The following MACROD2 variants were observed in gnomAD, a reference collection of about 807,000 sequenced individuals.
The protein encoded by MACROD2 is ADP-ribose glycohydrolase MACROD2.
In MACROD2, 36 loss-of-function variants were observed where a neutral mutation model predicts 70.4. That is an observed-to-expected ratio of 0.51 (90% CI 0.39 to 0.68). The LOEUF (loss-of-function observed/expected upper bound fraction) is 0.68. Among genes scored for constraint, MACROD2 ranks in the 30% least tolerant of loss-of-function variants. The pLI is 0.00. For missense variants in MACROD2, 496 were observed against 538.4 expected, an observed-to-expected ratio of 0.92 and a Z score of 0.78; for synonymous variants, 172 against 178.8, an observed-to-expected ratio of 0.96 and a Z score of 0.30.
At position 15,678,464 on chromosome 20, in the gene MACROD2, A is replaced by G. The variant is rs553314908; in HGVS notation, c.645+178617A>G. ...AAGCTCTGCCTCCCGGGTTCACGCCATTCTCCTGCCTCAGCCTCCCGAGTA... is the reference window on the plus strand; with the variant it reads ...AAGCTCTGCCTCCCGGGTTCACGCCGTTCTCCTGCCTCAGCCTCCCGAGTA... On this transcript the variant is annotated intron_variant, in intron 8 of 17. Transcript: ENST00000684519. 2.0e-5 allele frequency among the ~76,000 whole-genome samples: 3 copies of G among 151,448 alleles called. No homozygotes were observed. In the East Asian group the frequency reaches 5.9e-4, roughly 30 times the overall value.
chr20:14,147,379 T>C (rs2054955811), intron 3 of MACROD2, among the ~76,000 whole-genome samples: 2 of 152,190 alleles, frequency 1.3e-5, no homozygotes, highest in Admixed American at 6.5e-5. Context: ...AGATTAATAA[T>C]AGTAACTCAT....
At chr20:15,860,532 A>G (rs6131733) in intron 8 of MACROD2, among the ~76,000 whole-genome samples, 8,406 of 152,068 alleles carry the variant, frequency 0.055, 427 homozygotes, top group East Asian at 0.24. Context: ...TGTCTGAGGG[A>G]GGATAATGAG....
intron 8 of MACROD2, among the ~76,000 whole-genome samples, chr20:15,811,888 C>G (rs77185509): frequency 6.6e-6 from 1 of 152,186 alleles, no homozygotes; most frequent in Non-Finnish European, 1.5e-5. Flanking sequence ...GAGCAAGAGT[C>G]TGGTGGCTAA....
At chr20:14,578,860 C>G (rs577725630) in intron 4 of MACROD2, among the ~76,000 whole-genome samples, 1 of 152,110 alleles carries the variant, frequency 6.6e-6, no homozygotes, top group Non-Finnish European at 1.5e-5. Context: ...CAGGGAGGAG[C>G]GTGTGACTCT....
At chr20:14,264,429 C>G (rs1426934132) in intron 3 of MACROD2, among the ~76,000 whole-genome samples, 2 of 152,046 alleles carry the variant, frequency 1.3e-5, no homozygotes, top group African/African-American at 4.8e-5. Flanking sequence ...AACTTGCATA[C>G]TAGGTAATTG....
chr20:15,248,310 C>T (rs1319188672), intron 6 of MACROD2, among the ~76,000 whole-genome samples: 2 of 152,198 alleles, frequency 1.3e-5, no homozygotes, highest in Admixed American at 1.3e-4. Flanking sequence ...GAGCTCACTG[C>T]AGTACTTGAC....
At position 14,927,628 on chromosome 20, in the gene MACROD2, A is replaced by T. The variant is rs529986747; in HGVS notation, c.418+242669A>T. Among the ~76,000 whole-genome samples, 12 of 152,278 alleles carry T rather than the reference A, an allele frequency of 7.9e-5. No homozygotes were observed. In the East Asian group the frequency reaches 1.7e-3, roughly 22 times the overall value. On this transcript the variant is annotated intron_variant, in intron 5 of 17. Transcript: ENST00000684519. ...TTCATTACAGGCTAGTTCCTGGGGA[A>T]CCTGGGAAATGTAGTTTTAGCTTTT...
At chr20:14,971,450 A>AT (rs2074690190) in intron 5 of MACROD2, among the ~76,000 whole-genome samples, 2 of 151,410 alleles carry the variant, frequency 1.3e-5, no homozygotes, top group Admixed American at 1.3e-4. Flanking sequence ...AGGTAAAGGG[A>AT]GGGGGGGGAC....
At chr20:15,789,772 A>G (rs1486515316) in intron 8 of MACROD2, among the ~76,000 whole-genome samples, 2 of 152,072 alleles carry the variant, frequency 1.3e-5, no homozygotes, top group African/African-American at 4.8e-5. Flanking sequence ...AATGGCATAA[A>G]GGAAATGAGA....
intron 5 of MACROD2, among the ~76,000 whole-genome samples, chr20:15,150,678 TG>T (rs994579949): frequency 6.6e-6 from 1 of 150,916 alleles, no homozygotes; most frequent in Non-Finnish European, 1.5e-5. Context: ...TGGGTTAAGG[TG>T]GGGGGATACA....
chr20:14,551,376 C>T (rs781540892), intron 4 of MACROD2, among the ~76,000 whole-genome samples: 6 of 152,114 alleles, frequency 3.9e-5, no homozygotes, highest in Non-Finnish European at 8.8e-5. Flanking sequence ...GCATTGCTTT[C>T]ACTGCAATAG....
At chr20:15,666,619 T>C (rs553483131) in intron 8 of MACROD2, among the ~76,000 whole-genome samples, 2 of 152,338 alleles carry the variant, frequency 1.3e-5, no homozygotes, top group South Asian at 4.1e-4. Context: ...GGTCAGCCTG[T>C]GTGGTCACTC....
At chr20:15,043,466 T>C (rs1317586906) in intron 5 of MACROD2, among the ~76,000 whole-genome samples, 1 of 152,170 alleles carries the variant, frequency 6.6e-6, no homozygotes, top group Non-Finnish European at 1.5e-5. Flanking sequence ...GTTTTTTGCA[T>C]GATGCCTCCA....
intron 8 of MACROD2, among the ~76,000 whole-genome samples, chr20:15,773,545 C>T (rs574259470): frequency 6.6e-6 from 1 of 152,178 alleles, no homozygotes; most frequent in East Asian, 1.9e-4. Context: ...CAGATCAATT[C>T]CCTGTTAACT....
At chr20:15,445,219 C>A (rs1029363591) in intron 7 of MACROD2, among the ~76,000 whole-genome samples, 2 of 152,146 alleles carry the variant, frequency 1.3e-5, no homozygotes, top group African/African-American at 4.8e-5. Flanking sequence ...TTTATGAAAT[C>A]CAGGTGTCTC....
intron 3 of MACROD2, among the ~76,000 whole-genome samples, chr20:14,342,973 C>G (rs1300750502): frequency 3.9e-5 from 6 of 151,940 alleles, no homozygotes; most frequent in African/African-American, 1.2e-4. Flanking sequence ...AATTAAAAAT[C>G]ACAACTGAGA....
At chr20:14,542,858 A>T (rs1030449552) in intron 4 of MACROD2, among the ~76,000 whole-genome samples, 1 of 152,236 alleles carries the variant, frequency 6.6e-6, no homozygotes, top group Non-Finnish European at 1.5e-5. Flanking sequence ...GCAATTAAAT[A>T]TGACAATTTT....
intron 3 of MACROD2, among the ~76,000 whole-genome samples, chr20:14,230,969 G>A (rs1055620490): frequency 2.0e-5 from 3 of 151,084 alleles, no homozygotes; most frequent in African/African-American, 7.3e-5. Context: ...TTGTCAATGA[G>A]CAGTAATATT....
At chr20:14,123,238 T>C (rs1391722544) in intron 3 of MACROD2, among the ~76,000 whole-genome samples, 2 of 152,224 alleles carry the variant, frequency 1.3e-5, no homozygotes, top group African/African-American at 4.8e-5. Flanking sequence ...AGTCATTTTA[T>C]CATTGATTAT....
Sources: allele counts gnomAD v4.1 joint callset (sites outside exome capture counted in the v4.1 genomes callset), GRCh38; gene constraint gnomAD v4.1.1; transcripts MANE v1.5; gene names NCBI Gene and HGNC (gene_info 2026-07-23, HGNC 2026-07-21).